SAAL1: variants seen among roughly 807,000 people sequenced by gnomAD.
The protein encoded by SAAL1 is protein SAAL1.
A neutral mutation model predicts 59.8 loss-of-function variants in SAAL1; 42 were observed. That is an observed-to-expected ratio of 0.70 (90% CI 0.55 to 0.91). The LOEUF is 0.91. Among genes scored for constraint, SAAL1 ranks in the 40% least tolerant of loss-of-function variants. The probability of loss-of-function intolerance (pLI) is 0.00; values close to 1 mark genes in which losing one functional copy is unlikely to be tolerated. For missense variants in SAAL1, 542 were observed against 561.1 expected (o/e 0.97, Z 0.34); for synonymous variants, 191 against 194.3 (o/e 0.98, Z 0.14).
chr11:18,082,931 T>C (rs950806067), intron 10 of SAAL1, among the ~76,000 whole-genome samples: 1 of 152,208 alleles, frequency 6.6e-6, no homozygotes, highest in Non-Finnish European at 1.5e-5. Context: ...GAGAAACTTC[T>C]TAAGGAATAC....
At chr11:18,095,080 A>G (rs973454871) in intron 3 of SAAL1, among the ~76,000 whole-genome samples, 1 of 152,170 alleles carries the variant, frequency 6.6e-6, no homozygotes, top group Non-Finnish European at 1.5e-5. Flanking sequence ...GGAATCCTGG[A>G]CCTACTGGAC....
At chr11:18,083,471 G>T in intron 10 of SAAL1, 64 bp downstream of exon 10, 5 of 880,584 alleles carry the variant, frequency 5.7e-6, no homozygotes, top group South Asian at 2.4e-5. Context: ...AAAAAATAAA[G>T]TTTGAAGCGT....
Position 18,081,416 on chromosome 11 carries a change from G to A in SAAL1, c.1327C>T (p.Pro443Ser), listed in dbSNP as rs377499103. The A allele has an allele frequency of 6.2e-7, 1 of 1,612,492 alleles. No individual in the cohort carries two copies. The highest frequency in any genetic ancestry group is 1.3e-5 in the African/African-American group (1 of 74,786). The change falls in exon 11 of 12, where the codon CCT (proline) becomes TCT (serine). Residue 443 changes from proline to serine, a missense_variant. Physicochemically the swap from Pro to Ser is moderately conservative, Grantham distance 74. Coordinates refer to ENST00000524803, the MANE Select transcript of SAAL1 (RefSeq NM_138421.3). The stretch of plus-strand genomic sequence containing the variant: ...ATACATTTACCCATACTCACCACAG[G>A]GCTATAGAAAGGAAGAAGGTTTTGA... ...AFQNLLPFYS[P>S]VVEDFIKILR...
chr11:18,093,617 T>C (rs1848544652), intron 3 of SAAL1, among the ~76,000 whole-genome samples: 2 of 152,190 alleles, frequency 1.3e-5, no homozygotes, highest in African/African-American at 4.8e-5. Context: ...TATAATTTCA[T>C]ATAATAACTT....
chr11:18,102,590 C>A (rs2134066474), intron 2 of SAAL1, among the ~76,000 whole-genome samples: 1 of 152,074 alleles, frequency 6.6e-6, no homozygotes, highest in Admixed American at 6.6e-5. Flanking sequence ...ATGTAGAGGA[C>A]AGAAGGGAGG....
intron 1 of SAAL1, 57 bp downstream of exon 1, chr11:18,105,850 G>C: frequency 2.7e-6 from 4 of 1,491,418 alleles, no homozygotes; most frequent in Non-Finnish European, 3.6e-6. Context: ...GCCAGAGGCG[G>C]AGCCCCGGTG....
intron 8 of SAAL1, 32 bp from the exon 9 acceptor site, chr11:18,087,086 T>A (rs374992078): frequency 2.7e-5 from 44 of 1,602,700 alleles, no homozygotes; most frequent in Non-Finnish European, 3.6e-5. Context: ...AGCAGTACTT[T>A]AAAATCAGCA....
chr11:18,093,294 T>A (rs542767880), intron 3 of SAAL1, among the ~76,000 whole-genome samples: 1 of 152,216 alleles, frequency 6.6e-6, no homozygotes, highest in African/African-American at 2.4e-5. Context: ...AAGGTAAAAG[T>A]TCTTGACTTC....
intron 7 of SAAL1, among the ~76,000 whole-genome samples, chr11:18,088,858 TA>T (rs1424121540): frequency 6.6e-6 from 1 of 152,306 alleles, no homozygotes; most frequent in East Asian, 1.9e-4. Flanking sequence ...CAGATCAATT[TA>T]AAAATTAATT....
chr11:18,083,099 AC>A (rs1848427745), intron 10 of SAAL1: 1 of 152,510 alleles, frequency 6.6e-6, no homozygotes, highest in Non-Finnish European at 1.5e-5. Context: ...AATATTAATA[AC>A]CATTGAACAT....
chr11:18,087,274 G>T (rs1180509186), intron 7 of SAAL1, 49 bp from the exon 8 acceptor site: 1 of 1,152,802 alleles, frequency 8.7e-7, no homozygotes, highest in Non-Finnish European at 1.3e-6. Flanking sequence ...ACTGTCCAGG[G>T]GATTCCAATC....
chr11:18,091,992 A>G (rs1459934822), intron 4 of SAAL1, among the ~76,000 whole-genome samples: 1 of 152,128 alleles, frequency 6.6e-6, no homozygotes, highest in Non-Finnish European at 1.5e-5. Flanking sequence ...TTCTTCCCCT[A>G]TCTGGCTTAT....
intron 4 of SAAL1, 149 bp downstream of exon 4, chr11:18,092,096 A>T: frequency 5.7e-6 from 3 of 524,454 alleles, no homozygotes; most frequent in Non-Finnish European, 6.8e-6. Context: ...GCCCCTAGCT[A>T]TCATCAACAC....
At chr11:18,091,149 A>G (rs1021648419) in intron 4 of SAAL1, among the ~76,000 whole-genome samples, 22 of 152,222 alleles carry the variant, frequency 1.4e-4, no homozygotes, top group Admixed American at 7.9e-4. Flanking sequence ...ATATTTGTTA[A>G]GAGTTATCCT....
In SAAL1 at chr11:18,103,346, T is replaced by C. The variant is rs752349657; in HGVS notation, c.136A>G (p.Ile46Val). 3 of 1,607,634 alleles carry C rather than the reference T, an allele frequency of 1.9e-6. No homozygotes were observed. Among genetic ancestry groups the C allele is most frequent in the Non-Finnish European group, 2.6e-6 (3 of 1,174,608 alleles). The change falls in exon 2 of 12, where the codon ATT becomes GTT. Residue 46 changes from isoleucine to valine, a missense_variant and splice_region_variant. Transcript: ENST00000524803. ...LFGVLSGLIQIVSPENTKSSS... is the reference protein window; with the variant it reads ...LFGVLSGLIQVVSPENTKSSS... ...GATTTGGTGTTTTCAGGGCTAACAA[T>C]CTTCAGAAACACAAAGAAAGAAAAC...
intron 2 of SAAL1, among the ~76,000 whole-genome samples, chr11:18,101,527 C>A (rs1341090030): frequency 2.0e-5 from 3 of 152,186 alleles, no homozygotes; most frequent in Non-Finnish European, 4.4e-5. Flanking sequence ...TCCCCTTCTG[C>A]CATGATTGTA....
At chr11:18,094,393 A>T (rs1848551964) in intron 3 of SAAL1, among the ~76,000 whole-genome samples, 1 of 152,198 alleles carries the variant, frequency 6.6e-6, no homozygotes, top group Non-Finnish European at 1.5e-5. Context: ...TAAATTGAGT[A>T]TGTGTGGATT....
chr11:18,094,935 G>GA (rs1387080795), intron 3 of SAAL1, among the ~76,000 whole-genome samples: 1 of 152,184 alleles, frequency 6.6e-6, no homozygotes, highest in Non-Finnish European at 1.5e-5. Context: ...AAGCTGCCCA[G>GA]AGTCTCACAC....
In SAAL1 at chr11:18,106,008, G is replaced by A. The variant is rs775017394; in HGVS notation, c.34C>T (p.Arg12Cys). The change falls in exon 1 of 12, where the codon CGC becomes TGC. Residue 12 changes from arginine (R) to cysteine (C), a missense_variant. By Grantham distance (180) the Arg-to-Cys change is radical. Transcript: ENST00000524803. ...DRNPSPPPPG[R>C]DKEEEEEVAG... ...ACCTCCTCCTCCTCCTCCTTGTCGC[G>A]ACCCGGCGGCGGCGGCGAGGGGTTG... is the stretch of plus-strand genomic sequence containing the variant. 1 of 1,596,368 alleles carries A rather than the reference G, an allele frequency of 6.3e-7. No homozygotes were observed. The highest frequency in any genetic ancestry group is 1.7e-5 in the Admixed American group (1 of 59,076).
Sources: gnomAD v4.1 joint callset for allele counts (sites outside exome capture counted in the v4.1 genomes callset) on GRCh38, gnomAD v4.1.1 for gene constraint, MANE v1.5 for transcripts, NCBI Gene and HGNC (gene_info 2026-07-23, HGNC 2026-07-21) for gene names.